Variants in RYR3 observed in about 807,000 individuals in gnomAD.
RYR3 encodes brain ryanodine receptor-calcium release channel.
In RYR3, 207 loss-of-function variants were observed where a neutral mutation model predicts 584.3. The observed-to-expected ratio is 0.35, with a 90% CI of 0.32 to 0.40. RYR3 has a LOEUF of 0.40. Ranked by LOEUF, RYR3 falls within the 10% of genes least tolerant of loss-of-function variation. The pLI, the probability that RYR3 is intolerant of heterozygous loss-of-function variation, is 1.00. For missense variants in RYR3, 5,616 were observed against 6,089.2 expected, an observed-to-expected ratio of 0.92 and a Z score of 2.59; for synonymous variants, 2,416 against 2,248.5, an observed-to-expected ratio of 1.07 and a Z score of -2.11.
Position 33,517,152 on chromosome 15 carries a change from A to G in RYR3, c.279+13414A>G, listed in dbSNP as rs529457945. ...TGGGATTACAGGCGCGTGCCACCACATCCAGCTAATTTTTGTATTTTTAGT... is the reference window on the plus strand; with the variant it reads ...TGGGATTACAGGCGCGTGCCACCACGTCCAGCTAATTTTTGTATTTTTAGT... On this transcript the variant is annotated intron_variant, in intron 3 of 103. Coordinates refer to ENST00000634891, the MANE Select transcript of RYR3 (RefSeq NM_001036.6). Among the ~76,000 whole-genome samples, 11 of 152,136 alleles carry G rather than the reference A, an allele frequency of 7.2e-5. No individual in the cohort carries two copies. The South Asian group carries it at 1.9e-3, about 26-fold the overall frequency.
intron 1 of RYR3, among the ~76,000 whole-genome samples, chr15:33,367,838 A>AT (rs770217961): frequency 6.6e-6 from 1 of 152,182 alleles, no homozygotes; most frequent in Non-Finnish European, 1.5e-5. Flanking sequence ...ATCCCGAGAG[A>AT]TTTTCAGTCC....
chr15:33,333,550 A>C (rs986079892), intron 1 of RYR3, among the ~76,000 whole-genome samples: 4 of 152,196 alleles, frequency 2.6e-5, no homozygotes, highest in African/African-American at 9.7e-5. Context: ...ATACCTCAAA[A>C]TAATAAGAGC....
intron 27 of RYR3, among the ~76,000 whole-genome samples, 188 bp downstream of exon 27, chr15:33,636,738 G>A (rs1379639122): frequency 1.3e-5 from 2 of 152,164 alleles, no homozygotes; most frequent in African/African-American, 4.8e-5. Flanking sequence ...AGTGATAGTT[G>A]GTGTGTGCAG....
intron 96 of RYR3, 31 bp downstream of exon 96, chr15:33,853,713 G>C (rs761518425): frequency 1.9e-6 from 3 of 1,605,984 alleles, no homozygotes; most frequent in East Asian, 2.2e-5. Flanking sequence ...CAAATCCAAA[G>C]CAGCTAAAAT....
chr15:33,511,208 G>A (rs1160728550), intron 3 of RYR3, among the ~76,000 whole-genome samples: 1 of 151,310 alleles, frequency 6.6e-6, no homozygotes, highest in African/African-American at 2.4e-5. Context: ...GTTTGTTGAT[G>A]ACATCAGCAC....
chr15:33,561,721 A>AAAC lies in RYR3; in HGVS notation c.973-1101_973-1099dup, dbSNP rs138646386. 2.7e-5 allele frequency among the ~76,000 whole-genome samples: 4 copies of AAAC among 150,768 alleles called. No homozygotes were observed. The East Asian group carries it at 5.9e-4, about 22-fold the overall frequency. ...GGAAACCCTGTCTCTGCAAAACACA[A>AAAC]AACAACAACAACAACAAAAATACAA... is the stretch of plus-strand genomic sequence containing the variant. On this transcript the variant is annotated intron_variant, in intron 10 of 103. Transcript: ENST00000634891.
At chr15:33,453,408 T>G (rs922175500) in intron 1 of RYR3, among the ~76,000 whole-genome samples, 3 of 152,198 alleles carry the variant, frequency 2.0e-5, no homozygotes, top group Non-Finnish European at 4.4e-5. Context: ...TGCATAATAT[T>G]CCTACCATTG....
chr15:33,312,713 A>G (rs1200605301), intron 1 of RYR3, among the ~76,000 whole-genome samples: 5 of 152,142 alleles, frequency 3.3e-5, no homozygotes, highest in African/African-American at 4.8e-5. Context: ...GCTTGAAAAA[A>G]TTATCTTCAG....
At chr15:33,601,095 C>T (rs577110613) in intron 16 of RYR3, among the ~76,000 whole-genome samples, 3 of 152,294 alleles carry the variant, frequency 2.0e-5, no homozygotes, top group South Asian at 2.1e-4. Flanking sequence ...TTGTCTTAGA[C>T]AGTCTGTCTT....
chr15:33,572,012 A>G (rs947095462), intron 12 of RYR3, among the ~76,000 whole-genome samples: 2 of 152,152 alleles, frequency 1.3e-5, no homozygotes, highest in Non-Finnish European at 2.9e-5. Flanking sequence ...TATATATTTA[A>G]CTTGAAATAA....
chr15:33,814,160 A>G (rs1276557774), intron 74 of RYR3, among the ~76,000 whole-genome samples: 1 of 152,210 alleles, frequency 6.6e-6, no homozygotes, highest in African/African-American at 2.4e-5. Flanking sequence ...CTTTTGCTGA[A>G]AAGTCTGGGA....
chr15:33,727,716 C>G (rs761216693), intron 46 of RYR3, among the ~76,000 whole-genome samples: 1 of 152,138 alleles, frequency 6.6e-6, no homozygotes, highest in East Asian at 1.9e-4. Context: ...TGGGCTGGCT[C>G]GGACTTAATT....
intron 19 of RYR3, among the ~76,000 whole-genome samples, chr15:33,616,785 G>A (rs78089426): frequency 0.028 from 4,239 of 152,234 alleles, 171 homozygotes; most frequent in African/African-American, 0.09. Context: ...TCCTGGCTTC[G>A]GGTCTCACAG....
At position 33,848,286 on chromosome 15, in the gene RYR3, C is replaced by G; in HGVS notation, c.13498-5C>G. The G allele has an allele frequency of 3.7e-6, 6 of 1,613,412 alleles. No homozygotes were observed. The highest frequency in any genetic ancestry group is 5.1e-6 in the Non-Finnish European group (6 of 1,179,866). Reference sequence around the variant, plus strand: ...TCTGAGTAACCATCCTCCTCCCACTCCTAGGTGCCTTTGGTGGTTTTCAAA... The same window carrying G: ...TCTGAGTAACCATCCTCCTCCCACTGCTAGGTGCCTTTGGTGGTTTTCAAA... On this transcript the variant is annotated splice_polypyrimidine_tract_variant and splice_region_variant and intron_variant, in intron 93 of 103. Coordinates refer to ENST00000634891, the MANE Select transcript of RYR3 (RefSeq NM_001036.6).
At chr15:33,859,074 C>G (rs1302716236) in intron 99 of RYR3, 1 of 154,246 alleles carries the variant, frequency 6.5e-6, no homozygotes, top group African/African-American at 2.4e-5. Flanking sequence ...TCAGGGAGCC[C>G]GTGCCTAGAT....
At chr15:33,772,198 T>G in intron 63 of RYR3, 40 bp downstream of exon 63, 1 of 1,339,850 alleles carries the variant, frequency 7.5e-7, no homozygotes, top group Non-Finnish European at 1.1e-6. Flanking sequence ...TATGTGCACA[T>G]GGCCCCAGAT....
At chr15:33,760,591 C>T (rs150212978) in intron 60 of RYR3, among the ~76,000 whole-genome samples, 8 of 152,272 alleles carry the variant, frequency 5.3e-5, no homozygotes, top group African/African-American at 1.9e-4. Context: ...CAGGAGCACC[C>T]AGACTCATAA....
rs147454793 is a variant in RYR3, at chr15:33,480,562, T to C, written c.171+7024T>C. Among the ~76,000 whole-genome samples, 3 of 152,334 alleles carry C rather than the reference T, an allele frequency of 2.0e-5. No individual in the cohort carries two copies. The East Asian group carries it at 5.8e-4, about 29-fold the overall frequency. ...CTGGATGTAAGAATCAGGAGGATAT[T>C]TGTGACTTTTAAAAGTAAAATATTA... On this transcript the variant is annotated intron_variant, in intron 2 of 103. Transcript: ENST00000634891.
intron 62 of RYR3, among the ~76,000 whole-genome samples, chr15:33,769,490 A>C (rs563149596): frequency 6.6e-6 from 1 of 152,276 alleles, no homozygotes; most frequent in East Asian, 1.9e-4. Flanking sequence ...GTTATGGGAA[A>C]GATGAACCAC....
Sources: gnomAD v4.1 joint callset for allele counts (sites outside exome capture counted in the v4.1 genomes callset) on GRCh38, gnomAD v4.1.1 for gene constraint, MANE v1.5 for transcripts, NCBI Gene and HGNC (gene_info 2026-07-23, HGNC 2026-07-21) for gene names.